The following OR10H5 variants were observed in gnomAD, a reference collection of about 807,000 sequenced individuals.
The protein encoded by OR10H5 is olfactory receptor family 10 subfamily H member 5, also known as olfactory receptor 10H5.
A neutral mutation model predicts 12.2 loss-of-function variants in OR10H5; 7 were observed. The observed-to-expected ratio is 0.57, with a 90% CI of 0.33 to 1.07. The LOEUF (loss-of-function observed/expected upper bound fraction) is 1.07. OR10H5 is among the 50% of genes least tolerant of loss of function. The pLI is 0.04. For missense variants in OR10H5, 346 were observed against 411.6 expected, an observed-to-expected ratio of 0.84 and a Z score of 1.38; for synonymous variants, 159 against 175.1, an observed-to-expected ratio of 0.91 and a Z score of 0.73.
rs563546731 is a variant in OR10H5 at position 15,797,790 on chromosome 19, G to C, written c.*2794G>C. 6.6e-6 allele frequency: 1 copy of C among 152,046 alleles called. No homozygotes were observed. The highest frequency in any genetic ancestry group is 1.5e-5 in the Non-Finnish European group (1 of 67,982). 9.4% of individuals were successfully genotyped at this position (152,046 alleles called of 1,614,324 possible). On this transcript the variant is annotated 3_prime_UTR_variant, in exon 2 of 2. Coordinates refer to ENST00000642092, the MANE Select transcript of OR10H5 (RefSeq NM_001004466.2). ...AGGCCGGGTGTGGTGGCTCACTCCT[G>C]TAATCCCAGCACTTTGGGAAGCCGA...
rs1454544199 is a variant in OR10H5, at chr19:15,800,128, A to G, written c.*5132A>G. ...CCTGACTTCTCCACACTCGGTCACC[A>G]CCCCTATTACAAGCCCTCATAGCAA... On this transcript the variant is annotated 3_prime_UTR_variant, in exon 2 of 2. Transcript: ENST00000642092. The G allele has an allele frequency of 6.6e-6, 1 of 151,942 alleles. No individual in the cohort carries two copies. The highest frequency in any genetic ancestry group is 1.5e-5 in the Non-Finnish European group (1 of 68,016). 9.4% of individuals were successfully genotyped at this position (151,942 alleles called of 1,614,324 possible).
chr19:15,792,916 G>C (rs1464004206), intron 1 of OR10H5, among the ~76,000 whole-genome samples: 1 of 151,670 alleles, frequency 6.6e-6, no homozygotes, highest in Non-Finnish European at 1.5e-5. Flanking sequence ...CAACAATCAA[G>C]GGACCAACCC....
intron 1 of OR10H5, among the ~76,000 whole-genome samples, chr19:15,791,849 C>T (rs1215668783): frequency 2.6e-5 from 4 of 152,008 alleles, no homozygotes; most frequent in South Asian, 4.1e-4. Context: ...CCCGCCACCA[C>T]GCCCAGCTAA....
At chr19:15,790,139 G>A (rs929312021) in intron 1 of OR10H5, among the ~76,000 whole-genome samples, 4 of 152,138 alleles carry the variant, frequency 2.6e-5, no homozygotes, top group Non-Finnish European at 5.9e-5. Context: ...GGACCTTGGA[G>A]CCTGTTGGTA....
In OR10H5 at chr19:15,794,123, G is replaced by A; in HGVS notation, c.75G>A (p.Leu25=). 2 of 1,614,066 alleles carry A rather than the reference G, an allele frequency of 1.2e-6. No homozygotes were observed. Among genetic ancestry groups the A allele is most frequent in the Non-Finnish European group, 1.7e-6 (2 of 1,180,002 alleles). ...TCTCTGCCTTCCCCCACCTCCAGCT[G>A]ATGCTCTTCCTGCTGTTCCTGCTGA... is the stretch of plus-strand genomic sequence containing the variant. The part of the protein sequence containing the change: ...VGFSAFPHLQ[L]MLFLLFLLMY... Residue 25 remains leucine, a synonymous_variant, in exon 2 of 2, where the codon CTG becomes CTA. Transcript: ENST00000642092.
rs1568450880 is a variant in OR10H5 at position 15,800,028 on chromosome 19, C to T, written c.*5032C>T. 6.6e-6 allele frequency: 1 copy of T among 152,054 alleles called. No homozygotes were observed. The highest frequency in any genetic ancestry group is 2.1e-4 in the South Asian group (1 of 4,808). 9.4% of individuals were successfully genotyped at this position (152,054 alleles called of 1,614,324 possible). On this transcript the variant is annotated 3_prime_UTR_variant, in exon 2 of 2. Transcript: ENST00000642092. The stretch of plus-strand genomic sequence containing the variant: ...CCCTTGCATCTACTCTTGCTTTTGC[C>T]TGTAATACCCTTCCCCCACCTGCTC...
chr19:15,791,761 C>T (rs191027513), intron 1 of OR10H5, among the ~76,000 whole-genome samples: 158 of 151,580 alleles, frequency 1.0e-3, no homozygotes, highest in African/African-American at 3.6e-3. Context: ...GGCGCCATCT[C>T]GGCTCACTGC....
In OR10H5 at chr19:15,795,081, C is replaced by G. The variant is rs143946739; in HGVS notation, c.*85C>G. ...ATTTCTTTTCCTTTCCTCCCTCCCT[C>G]CTTTCCTCCCTCCCTCCCTTCCTTC... is the stretch of plus-strand genomic sequence containing the variant. On this transcript the variant is annotated 3_prime_UTR_variant, in exon 2 of 2. Transcript: ENST00000642092. 1.8e-6 allele frequency: 2 copies of G among 1,114,274 alleles called. No individual in the cohort carries two copies. Among genetic ancestry groups the G allele is most frequent in the African/African-American group, 1.6e-5 (1 of 63,432 alleles). 69.0% of individuals were successfully genotyped at this position (1,114,274 alleles called of 1,614,324 possible).
In OR10H5 at chr19:15,794,535, A is replaced by G. The variant is rs2088828331; in HGVS notation, c.487A>G (p.Ile163Val). 1 of 1,613,886 alleles carries G rather than the reference A, an allele frequency of 6.2e-7. No homozygotes were observed. The highest frequency in any genetic ancestry group is 1.7e-5 in the Admixed American group (1 of 59,978). Residue 163 changes from isoleucine (I) to valine (V), a missense_variant, in exon 2 of 2, where the codon ATT (isoleucine) becomes GTT (valine). Physicochemically the swap from Ile to Val is conservative, Grantham distance 29. Transcript: ENST00000642092. ...LVMGMVVTSAIFHLAFCGHKE... is the reference protein window; with the variant it reads ...LVMGMVVTSAVFHLAFCGHKE... ...CATGGGGATGGTGGTGACCTCGGCC[A>G]TTTTCCACCTCGCCTTCTGTGGACA...
chr19:15,790,099 T>C (rs2088802868), intron 1 of OR10H5, among the ~76,000 whole-genome samples: 1 of 152,070 alleles, frequency 6.6e-6, no homozygotes, highest in Admixed American at 6.5e-5. Context: ...TTTCTGTAAT[T>C]TTTAGTAACA....
At chr19:15,790,725 TG>T (rs2088806037) in intron 1 of OR10H5, among the ~76,000 whole-genome samples, 1 of 152,098 alleles carries the variant, frequency 6.6e-6, no homozygotes, top group South Asian at 2.1e-4. Context: ...CTTGGCTGGC[TG>T]GGTCCCCTCC....
chr19:15,791,439 CAT>C (rs994048841), intron 1 of OR10H5, among the ~76,000 whole-genome samples: 3 of 98,506 alleles, frequency 3.0e-5, no homozygotes, highest in African/African-American at 1.5e-4. Context: ...ATATAGATAC[CAT>C]ACACACACAC....
Position 15,791,110 on chromosome 19 carries a change from C to T in OR10H5, c.-11-2928C>T, listed in dbSNP as rs117236739. Among the ~76,000 whole-genome samples, 993 of 152,232 alleles carry T rather than the reference C, an allele frequency of 6.5e-3. 11 individuals carry two copies. Among genetic ancestry groups the T allele is most frequent in the Non-Finnish European group, 7.4e-3 (505 of 68,002 alleles). ...CCTGTAATCCCAACAATTCAGGTGG[C>T]CGAGGCAGGCAGATCACTTGAGGAC... On this transcript the variant is annotated intron_variant, in intron 1 of 1. Transcript: ENST00000642092.
Position 15,798,180 on chromosome 19 carries a change from T to C in OR10H5, c.*3184T>C, listed in dbSNP as rs2088850525. On this transcript the variant is annotated 3_prime_UTR_variant, in exon 2 of 2. Coordinates refer to ENST00000642092, the MANE Select transcript of OR10H5 (RefSeq NM_001004466.2). ...AGGAAAAACAAAACGCTTGCATTTT[T>C]CCCTCAAAAGACTAAAAAATAGAAG... 1 of 152,020 alleles carries C rather than the reference T, an allele frequency of 6.6e-6. No homozygotes were observed. The highest frequency in any genetic ancestry group is 2.1e-4 in the South Asian group (1 of 4,820). 9.4% of individuals were successfully genotyped at this position (152,020 alleles called of 1,614,324 possible). A position where few individuals can be genotyped will look rare whatever the true frequency, so the allele number is the denominator to read the frequency against.
rs769585242 is a variant in OR10H5, at chr19:15,794,026, T to C, written c.-11-12T>C. On this transcript the variant is annotated splice_polypyrimidine_tract_variant and intron_variant, in intron 1 of 1. Coordinates refer to ENST00000642092, the MANE Select transcript of OR10H5 (RefSeq NM_001004466.2). ...TAACCACTGGGTCTTCTTTCCTCTCTCCACCAACTAGGGGTGGCCGCCATG... is the reference window on the plus strand; with the variant it reads ...TAACCACTGGGTCTTCTTTCCTCTCCCCACCAACTAGGGGTGGCCGCCATG... 1.5e-4 allele frequency: 242 copies of C among 1,593,596 alleles called. No homozygotes were observed. Among genetic ancestry groups the C allele is most frequent in the Non-Finnish European group, 2.0e-4 (236 of 1,167,850 alleles).
intron 1 of OR10H5, among the ~76,000 whole-genome samples, chr19:15,789,074 T>C (rs759251558): frequency 5.9e-5 from 9 of 151,376 alleles, no homozygotes; most frequent in Non-Finnish European, 1.3e-4. Flanking sequence ...TTCCCCTCCC[T>C]GTGTCCAAAG....
rs1235585751 is a variant in OR10H5, at chr19:15,796,705, G to A, written c.*1709G>A. On this transcript the variant is annotated 3_prime_UTR_variant, in exon 2 of 2. Transcript: ENST00000642092. ...CAGGAGGTTGAGGCTGCAGTGAGCA[G>A]TAATTGTGCCACTGCCCTCCAGCCT... 2 of 151,850 alleles carry A rather than the reference G, an allele frequency of 1.3e-5. No homozygotes were observed. Among genetic ancestry groups the A allele is most frequent in the Non-Finnish European group, 2.9e-5 (2 of 68,006 alleles). 9.4% of individuals were successfully genotyped at this position (151,850 alleles called of 1,614,324 possible).
chr19:15,792,878 C>A (rs1362564497), intron 1 of OR10H5, among the ~76,000 whole-genome samples: 1 of 151,848 alleles, frequency 6.6e-6, no homozygotes, highest in African/African-American at 2.4e-5. Context: ...TTATCCATTT[C>A]TTTTAGGGAT....
rs557246399 is a variant in OR10H5 at position 15,792,963 on chromosome 19, G to A, written c.-11-1075G>A. ...GCTCTGAAGTGGGGATCCAACCCAG[G>A]TGTGGCTGAATAGAGACCACCGAGA... On this transcript the variant is annotated intron_variant, in intron 1 of 1. Transcript: ENST00000642092. Among the ~76,000 whole-genome samples the A allele has an allele frequency of 3.2e-3, 281 of 87,934 alleles. 1 individual carries two copies. Among genetic ancestry groups the A allele is most frequent in the Admixed American group, 5.4e-3 (50 of 9,244 alleles). The allele number at this position is 87,934 out of a possible 152,430, so 57.7% of individuals were successfully genotyped here.
Sources: gnomAD v4.1 joint callset for allele counts (sites outside exome capture counted in the v4.1 genomes callset) on GRCh38, gnomAD v4.1.1 for gene constraint, MANE v1.5 for transcripts, NCBI Gene and HGNC (gene_info 2026-07-23, HGNC 2026-07-21) for gene names.